Variants in THADA observed in about 807,000 individuals in gnomAD.
THADA encodes tRNA (32-2'-O)-methyltransferase regulator THADA.
A neutral mutation model predicts 219.8 loss-of-function variants in THADA; 213 were observed. That is an observed-to-expected ratio of 0.97 (90% CI 0.87 to 1.09). The LOEUF (loss-of-function observed/expected upper bound fraction) is 1.09. THADA is among the 50% of genes least tolerant of loss of function. The pLI is 0.00. For missense variants in THADA, 2,956 were observed against 2,311.3 expected (o/e 1.28, Z -5.72); for synonymous variants, 1,018 against 828.9 (o/e 1.23, Z -3.92).
chr2:43,532,758 C>A (rs1041819184), intron 21 of THADA, among the ~76,000 whole-genome samples: 2 of 152,062 alleles, frequency 1.3e-5, no homozygotes, highest in African/African-American at 2.4e-5. Context: ...CCAGAGCAAT[C>A]AGGCAAGAGA....
intron 20 of THADA, among the ~76,000 whole-genome samples, chr2:43,545,575 T>C (rs1574186087): frequency 6.6e-6 from 1 of 152,248 alleles, no homozygotes; most frequent in Admixed American, 6.5e-5. Flanking sequence ...TATTCAGAGA[T>C]TCAAGTTCTT....
At chr2:43,528,359 A>C (rs1693442382) in intron 21 of THADA, among the ~76,000 whole-genome samples, 1 of 151,956 alleles carries the variant, frequency 6.6e-6, no homozygotes, top group Non-Finnish European at 1.5e-5. Flanking sequence ...CTAACTCCTG[A>C]CCTCAGGTGA....
chr2:43,380,484 T>G (rs538120380), intron 29 of THADA, among the ~76,000 whole-genome samples: 1 of 152,312 alleles, frequency 6.6e-6, no homozygotes, highest in South Asian at 2.1e-4. Context: ...AAAGCTAAAA[T>G]GAACCACATA....
intron 30 of THADA, among the ~76,000 whole-genome samples, chr2:43,335,345 A>T (rs1311387820): frequency 6.6e-6 from 1 of 152,144 alleles, no homozygotes; most frequent in Admixed American, 6.5e-5. Context: ...AAATGATAGT[A>T]GTTGTCAGGT....
At chr2:43,544,282 A>C (rs368971486) in intron 20 of THADA, among the ~76,000 whole-genome samples, 2 of 152,128 alleles carry the variant, frequency 1.3e-5, no homozygotes, top group East Asian at 3.9e-4. Flanking sequence ...CTGTAGCCTT[A>C]TAGCATAGTT....
chr2:43,591,838 A>G, intron 3 of THADA, 114 bp downstream of exon 3: 1 of 589,054 alleles, frequency 1.7e-6, no homozygotes, highest in Non-Finnish European at 2.8e-6. Flanking sequence ...CTTATTTGCT[A>G]ATGATAAACT....
At chr2:43,529,846 CAT>C (rs1693640011) in intron 21 of THADA, among the ~76,000 whole-genome samples, 1 of 152,138 alleles carries the variant, frequency 6.6e-6, no homozygotes, top group African/African-American at 2.4e-5. Flanking sequence ...AGTAGTTAAA[CAT>C]GTCATCATGG....
At chr2:43,232,210 G>A (rs1266244604) in intron 37 of THADA, among the ~76,000 whole-genome samples, 1 of 149,372 alleles carries the variant, frequency 6.7e-6, no homozygotes, top group Non-Finnish European at 1.5e-5. Context: ...ATGGAGTCTT[G>A]CTCTGTTGCC....
chr2:43,349,204 T>C (rs11693769), intron 29 of THADA, among the ~76,000 whole-genome samples: 12,042 of 152,068 alleles, frequency 0.079, 623 homozygotes, highest in South Asian at 0.2. Flanking sequence ...AGGGTGTCAG[T>C]GAGTAGGCTG....
At chr2:43,304,601 T>C (rs1676632558) in intron 31 of THADA, among the ~76,000 whole-genome samples, 1 of 151,866 alleles carries the variant, frequency 6.6e-6, no homozygotes, top group South Asian at 2.1e-4. Context: ...TTTTCTCTAT[T>C]CTCCCCTTTC....
intron 28 of THADA, among the ~76,000 whole-genome samples, chr2:43,423,060 A>G (rs1677926632): frequency 6.6e-6 from 1 of 152,240 alleles, no homozygotes; most frequent in Admixed American, 6.5e-5. Flanking sequence ...GCCCAATTTA[A>G]GAACACATCA....
At chr2:43,531,555 C>T (rs1693876175) in intron 21 of THADA, among the ~76,000 whole-genome samples, 2 of 152,210 alleles carry the variant, frequency 1.3e-5, no homozygotes, top group South Asian at 4.1e-4. Context: ...AGAAGAAACA[C>T]ACCAGGCTGA....
intron 30 of THADA, among the ~76,000 whole-genome samples, chr2:43,339,046 A>G (rs924955959): frequency 5.9e-5 from 9 of 152,234 alleles, no homozygotes; most frequent in Non-Finnish European, 8.8e-5. Flanking sequence ...AGCCTTGACA[A>G]AGTTAAAAAA....
At chr2:43,238,788 G>A (rs1001488630) in intron 36 of THADA, among the ~76,000 whole-genome samples, 7 of 152,172 alleles carry the variant, frequency 4.6e-5, no homozygotes, top group African/African-American at 1.7e-4. Flanking sequence ...GCCACAAAAG[G>A]GAATGAAGAA....
chr2:43,586,920 T>G lies in THADA; in HGVS notation c.385A>C (p.Thr129Pro). ...ACTTTCCTGTAAGAGTATAAGTCAG[T>G]AGTATTCAATTCTTCCTGAAGACGA... is the stretch of plus-strand genomic sequence containing the variant. ...TSRLQEELNT[T>P]DLYSYRKVTD... The change falls in exon 5 of 38, where the codon ACT becomes CCT. Residue 129 changes from threonine (T) to proline (P), a missense_variant. Transcript: ENST00000405975. 2 of 1,613,780 alleles carry G rather than the reference T, an allele frequency of 1.2e-6. No homozygotes were observed.
chr2:43,590,650 A>AG (rs1701457569), intron 4 of THADA, among the ~76,000 whole-genome samples, 174 bp downstream of exon 4: 1 of 151,740 alleles, frequency 6.6e-6, no homozygotes, highest in South Asian at 2.1e-4. Context: ...GTCTCAAAAA[A>AG]AAAAAAAAAA....
intron 30 of THADA, among the ~76,000 whole-genome samples, chr2:43,337,209 C>T (rs1331952438): frequency 6.6e-6 from 1 of 152,198 alleles, no homozygotes; most frequent in African/African-American, 2.4e-5. Context: ...CAGGGGAAGA[C>T]CCCTTTTAAA....
intron 22 of THADA, among the ~76,000 whole-genome samples, chr2:43,516,399 C>A (rs937610361): frequency 1.3e-5 from 2 of 152,120 alleles, no homozygotes; most frequent in African/African-American, 4.8e-5. Context: ...TCACACTACT[C>A]CAGTCATAAT....
intron 31 of THADA, among the ~76,000 whole-genome samples, chr2:43,297,970 C>T (rs1171642378): frequency 1.6e-5 from 1 of 63,636 alleles, no homozygotes; most frequent in East Asian, 3.5e-4. Flanking sequence ...GCCCCCCGCC[C>T]GGCCAGCCGC....
Sources: gnomAD v4.1 joint callset for allele counts (sites outside exome capture counted in the v4.1 genomes callset) on GRCh38, gnomAD v4.1.1 for gene constraint, MANE v1.5 for transcripts, NCBI Gene and HGNC (gene_info 2026-07-23, HGNC 2026-07-21) for gene names.